The following AFF3 variants were observed in gnomAD, a reference collection of about 807,000 sequenced individuals.
AFF3 encodes the protein AF4/FMR2 family member 3.
Under a neutral mutation model 129.7 loss-of-function variants are expected in AFF3, and 32 were observed. That is an observed-to-expected ratio of 0.25 (90% CI 0.19 to 0.33). The LOEUF (loss-of-function observed/expected upper bound fraction) is 0.33. Ranked by LOEUF, AFF3 falls within the 10% of genes least tolerant of loss-of-function variation. The pLI, the probability that AFF3 is intolerant of heterozygous loss-of-function variation, is 1.00. For synonymous variants in AFF3, 644 were observed against 635.4 expected, an observed-to-expected ratio of 1.01 and a Z score of -0.20; for missense variants, 1,373 against 1,592.0, an observed-to-expected ratio of 0.86 and a Z score of 2.34.
chr2:100,127,122 G>A (rs1449192655), intron 2 of AFF3, among the ~76,000 whole-genome samples: 2 of 152,138 alleles, frequency 1.3e-5, no homozygotes, highest in Admixed American at 1.3e-4. Context: ...TCATCTCTAG[G>A]AGGTAACTCT....
intron 4 of AFF3, among the ~76,000 whole-genome samples, chr2:100,056,067 A>T (rs1015992252): frequency 6.6e-5 from 9 of 137,142 alleles, no homozygotes; most frequent in African/African-American, 2.5e-4. Context: ...TCTCTCTCAC[A>T]CACACACACA....
chr2:99,898,174 G>C (rs1264033654), intron 7 of AFF3, among the ~76,000 whole-genome samples: 1 of 152,222 alleles, frequency 6.6e-6, no homozygotes, highest in African/African-American at 2.4e-5. Flanking sequence ...AGATGTCTGA[G>C]TGCTCATTCC....
chr2:99,951,731 C>T (rs973518237), intron 7 of AFF3, among the ~76,000 whole-genome samples: 13 of 152,170 alleles, frequency 8.5e-5, no homozygotes, highest in Non-Finnish European at 1.5e-4. Context: ...CTGCAACCTC[C>T]GCCTCCCAGG....
At chr2:99,729,015 A>T (rs1679586392) in intron 10 of AFF3, among the ~76,000 whole-genome samples, 1 of 152,208 alleles carries the variant, frequency 6.6e-6, no homozygotes, top group Admixed American at 6.5e-5. Flanking sequence ...CCTGCATTAT[A>T]TAAGACAAAA....
chr2:99,861,809 C>A (rs1026419351), intron 7 of AFF3, among the ~76,000 whole-genome samples: 7 of 152,236 alleles, frequency 4.6e-5, no homozygotes, highest in Admixed American at 6.5e-5. Flanking sequence ...TCTCATCAAA[C>A]CCCCTTCACC....
At position 99,561,909 on chromosome 2, in the gene AFF3, C is replaced by G. The variant is rs1171954541; in HGVS notation, c.3120-1473G>C. Among the ~76,000 whole-genome samples the G allele has an allele frequency of 3.3e-5, 5 of 152,260 alleles. No individual in the cohort carries two copies. In the East Asian group the frequency reaches 9.7e-4, roughly 29 times the overall value. On this transcript the variant is annotated intron_variant, in intron 20 of 24. Coordinates refer to ENST00000672756, the MANE Select transcript of AFF3 (RefSeq NM_001386135.1). The stretch of plus-strand genomic sequence containing the variant: ...TAAATCTGAGGCTATCTTTATTTCC[C>G]TTCATTCTTGAAGAATAGTTTCACT...
At chr2:100,064,051 T>C (rs1687514611) in intron 4 of AFF3, among the ~76,000 whole-genome samples, 1 of 150,556 alleles carries the variant, frequency 6.6e-6, no homozygotes, top group Admixed American at 6.6e-5. Flanking sequence ...ATCGTGCCAC[T>C]GCACTCCAGC....
intron 13 of AFF3, among the ~76,000 whole-genome samples, chr2:99,639,314 C>G (rs114464146): frequency 6.6e-6 from 1 of 152,278 alleles, no homozygotes; most frequent in African/African-American, 2.4e-5. Flanking sequence ...GACCCGACAG[C>G]CTGCGTTTGT....
intron 7 of AFF3, among the ~76,000 whole-genome samples, chr2:99,872,207 CAAAAAAA>C (rs397871895): frequency 0.053 from 3,280 of 62,070 alleles, 75 homozygotes; most frequent in Middle Eastern, 0.076. Context: ...GACTCCATCT[CAAAAAAA>C]AAAAAAAAAA....
intron 7 of AFF3, among the ~76,000 whole-genome samples, chr2:99,964,842 C>T (rs148558507): frequency 1.2e-4 from 19 of 152,284 alleles, no homozygotes; most frequent in African/African-American, 3.4e-4. Flanking sequence ...TGTCAATATG[C>T]TCATGATTGT....
chr2:99,776,530 CTG>C (rs1475906342), intron 8 of AFF3, among the ~76,000 whole-genome samples: 1 of 152,208 alleles, frequency 6.6e-6, no homozygotes, highest in Non-Finnish European at 1.5e-5. Context: ...TTTCCCCACT[CTG>C]TTTTATAAGT....
intron 2 of AFF3, among the ~76,000 whole-genome samples, chr2:100,128,165 A>T (rs1413240622): frequency 6.6e-6 from 1 of 152,230 alleles, no homozygotes; most frequent in South Asian, 2.1e-4. Flanking sequence ...AGAAATAGCC[A>T]TAAAAATGGG....
At chr2:100,043,738 T>C (rs149691948) in intron 4 of AFF3, among the ~76,000 whole-genome samples, 1 of 152,358 alleles carries the variant, frequency 6.6e-6, no homozygotes, top group African/African-American at 2.4e-5. Context: ...CACGAGTTTT[T>C]AAAGGCTCTA....
chr2:99,854,575 A>G (rs1221827934), intron 7 of AFF3, among the ~76,000 whole-genome samples: 2 of 152,184 alleles, frequency 1.3e-5, no homozygotes, highest in African/African-American at 4.8e-5. Context: ...AAATCCACTA[A>G]ACACATAGTC....
chr2:100,062,510 G>A (rs1461922661), intron 4 of AFF3, among the ~76,000 whole-genome samples: 1 of 152,220 alleles, frequency 6.6e-6, no homozygotes, highest in East Asian at 1.9e-4. Context: ...ACGGTCCTGT[G>A]AGGACATGTG....
At chr2:99,830,007 C>A (rs1373066715) in intron 8 of AFF3, among the ~76,000 whole-genome samples, 1 of 152,188 alleles carries the variant, frequency 6.6e-6, no homozygotes, top group Admixed American at 6.5e-5. Context: ...CCATTCTCAG[C>A]AAACTAACAC....
intron 5 of AFF3, 117 bp from the exon 6 acceptor site, chr2:100,007,577 G>A (rs1445896908): frequency 1.3e-5 from 12 of 943,336 alleles, no homozygotes; most frequent in Non-Finnish European, 1.9e-5. Context: ...AATGAGAGCT[G>A]AGAGATGAAA....
At chr2:100,018,432 T>C (rs1683312544) in intron 4 of AFF3, among the ~76,000 whole-genome samples, 1 of 152,090 alleles carries the variant, frequency 6.6e-6, no homozygotes, top group African/African-American at 2.4e-5. Context: ...TTTCGAGAGA[T>C]GACAGATAAA....
At chr2:100,101,047 G>A (rs867781209) in intron 4 of AFF3, among the ~76,000 whole-genome samples, 7 of 152,152 alleles carry the variant, frequency 4.6e-5, no homozygotes, top group Admixed American at 2.6e-4. Flanking sequence ...GGAATTAGAG[G>A]TGGAAATTAG....
Sources: allele counts gnomAD v4.1 joint callset (sites outside exome capture counted in the v4.1 genomes callset), GRCh38; gene constraint gnomAD v4.1.1; transcripts MANE v1.5; gene names NCBI Gene and HGNC (gene_info 2026-07-23, HGNC 2026-07-21).